Variants in MPP1 observed in about 807,000 individuals in gnomAD.
The protein encoded by MPP1 is 55 kDa erythrocyte membrane protein.
Under a neutral mutation model 38.2 loss-of-function variants are expected in MPP1, and 6 were observed. That is an observed-to-expected ratio of 0.16 (90% CI 0.09 to 0.31). The LOEUF is 0.31. Ranked by LOEUF, MPP1 falls within the 10% of genes least tolerant of loss-of-function variation. The pLI is 1.00. For synonymous variants in MPP1, 153 were observed against 146.3 expected, an observed-to-expected ratio of 1.05 and a Z score of -0.33; for missense variants, 293 against 368.9, an observed-to-expected ratio of 0.79 and a Z score of 1.69.
intron 1 of MPP1, among the ~76,000 whole-genome samples, chrX:154,798,312 C>A (rs1158107075): frequency 8.9e-6 from 1 of 112,223 alleles, no homozygotes; most frequent in Non-Finnish European, 1.9e-5. Flanking sequence ...CACTCAAAAG[C>A]CTGTACATGA....
At chrX:154,785,004 C>G in intron 7 of MPP1, 47 bp downstream of exon 7, 2 of 1,131,544 alleles carry the variant, frequency 1.8e-6, no homozygotes, top group Non-Finnish European at 2.4e-6. Flanking sequence ...CTGGGAAACA[C>G]GTGAATGCTG....
intron 6 of MPP1, 142 bp from the exon 7 acceptor site, chrX:154,785,299 C>T (rs1603429976): frequency 4.2e-6 from 2 of 474,470 alleles, no homozygotes; most frequent in Non-Finnish European, 6.9e-6. Context: ...GCACCCCATA[C>T]ACTGTTTGGT....
chrX:154,794,316 T>G (rs1055205305), intron 1 of MPP1, among the ~76,000 whole-genome samples: 2 of 111,984 alleles, frequency 1.8e-5, no homozygotes, highest in Admixed American at 9.4e-5. Context: ...CTTAAAATGC[T>G]CCTTCTCAGT....
At chrX:154,800,557 G>A (rs1004662443) in intron 1 of MPP1, among the ~76,000 whole-genome samples, 4 of 112,347 alleles carry the variant, frequency 3.6e-5, no homozygotes, top group African/African-American at 1.3e-4. Flanking sequence ...CAGGGCTGCA[G>A]ATACCTGGCA....
rs1186875353 is a variant in MPP1 at position 154,789,049 on chromosome X, CGGCGGT to C, written c.480+899_480+904del. 3.5e-4 allele frequency among the ~76,000 whole-genome samples: 39 copies of C among 111,535 alleles called. 1 individual carries two copies. The highest frequency in any genetic ancestry group is 1.3e-3 in the African/African-American group (39 of 30,673). On this transcript the variant is annotated intron_variant, in intron 5 of 11. Transcript: ENST00000369534. ...TGAGGAAACACGCATGGTGAGGGGG[CGGCGGT>C]CTTAGGCATGGGTGTACTCAGTTTG... is the stretch of plus-strand genomic sequence containing the variant.
chrX:154,783,667 C>T (rs1184206049), intron 8 of MPP1, 160 bp from the exon 9 acceptor site: 12 of 454,815 alleles, frequency 2.6e-5, no homozygotes, highest in South Asian at 6.8e-5. Context: ...GTGAGCAGTC[C>T]GCCAGAGGCA....
At chrX:154,779,468 C>T (rs1454412345) in intron 11 of MPP1, 115 bp from the exon 12 acceptor site, 18 of 664,954 alleles carry the variant, frequency 2.7e-5, no homozygotes, top group African/African-American at 1.1e-4. Context: ...TCATACTTGA[C>T]GAGTCAAATT....
chrX:154,800,429 C>T (rs1213799163), intron 1 of MPP1, among the ~76,000 whole-genome samples: 1 of 111,413 alleles, frequency 9.0e-6, no homozygotes, highest in Non-Finnish European at 1.9e-5. Context: ...TCTAGAGATC[C>T]CTTCCCAACG....
chrX:154,787,101 AACACACACACAC>A (rs59779466), intron 5 of MPP1, among the ~76,000 whole-genome samples: 296 of 82,846 alleles, frequency 3.6e-3, no homozygotes, highest in Middle Eastern at 0.035. Flanking sequence ...CCTGCTCCCA[AACACACACACAC>A]ACACACACAC....
chrX:154,781,360 A>G, intron 10 of MPP1, 47 bp from the exon 11 acceptor site: 1 of 1,003,309 alleles, frequency 1.0e-6, no homozygotes, highest in Non-Finnish European at 1.4e-6. Flanking sequence ...GAAGGAAGAA[A>G]AGGAAAGTGA....
intron 11 of MPP1, among the ~76,000 whole-genome samples, chrX:154,779,843 C>T (rs782790887): frequency 4.4e-5 from 5 of 113,071 alleles, no homozygotes; most frequent in Non-Finnish European, 3.8e-5. Flanking sequence ...CTCAGCCTCC[C>T]GAGTAGCTGG....
At chrX:154,799,933 G>A (rs912344791) in intron 1 of MPP1, 7 of 1,089,861 alleles carry the variant, frequency 6.4e-6, no homozygotes, top group Non-Finnish European at 8.6e-6. Flanking sequence ...CTTGGCGGGG[G>A]GCGGGCGGTG....
At position 154,782,145 on chromosome X, in the gene MPP1, A is replaced by G. The variant is rs782425897; in HGVS notation, c.947-343T>C. On this transcript the variant is annotated intron_variant, in intron 9 of 11. Coordinates refer to ENST00000369534, the MANE Select transcript of MPP1 (RefSeq NM_002436.4). The stretch of plus-strand genomic sequence containing the variant: ...CGGAAAATATTTTAAAAACAGATCT[A>G]CAGACTATGGTCAGGATTTCTTGGA... 28 of 195,283 alleles carry G rather than the reference A, an allele frequency of 1.4e-4. No homozygotes were observed. In the South Asian group the frequency reaches 6.0e-3, roughly 42 times the overall value. The allele number at this position is 195,283 out of a possible 1,213,427, so 16.1% of individuals were successfully genotyped here.
At chrX:154,789,795 G>A (rs1001436360) in intron 5 of MPP1, among the ~76,000 whole-genome samples, 159 bp downstream of exon 5, 1 of 111,263 alleles carries the variant, frequency 9.0e-6, no homozygotes, top group Non-Finnish European at 1.9e-5. Flanking sequence ...TTTATACCAG[G>A]CAGGGAATAA....
chrX:154,799,951 T>C lies in MPP1; in HGVS notation c.102+5321A>G, dbSNP rs2072244188. 39 of 1,015,602 alleles carry C rather than the reference T, an allele frequency of 3.8e-5. 1 individual carries two copies. In the South Asian group the frequency reaches 8.8e-4, roughly 23 times the overall value. The allele number at this position is 1,015,602 out of a possible 1,213,427, so 83.7% of individuals were successfully genotyped here. ...GGCGGGGGGCGGGCGGTGGCGGGGG[T>C]GAATAGAGCAGGGGCAACTGAAGTT... On this transcript the variant is annotated intron_variant, in intron 1 of 11. Coordinates refer to ENST00000369534, the MANE Select transcript of MPP1 (RefSeq NM_002436.4).
intron 1 of MPP1, among the ~76,000 whole-genome samples, chrX:154,797,402 C>G (rs929894698): frequency 1.8e-5 from 2 of 112,159 alleles, no homozygotes; most frequent in African/African-American, 3.2e-5. Context: ...TAGGAAGACT[C>G]AGTCTGCACA....
intron 4 of MPP1, 95 bp from the exon 5 acceptor site, chrX:154,790,117 T>A: frequency 1.9e-6 from 1 of 525,576 alleles, no homozygotes; most frequent in South Asian, 3.4e-5. Flanking sequence ...CCAACAACCA[T>A]CTTTACATTT....
intron 5 of MPP1, among the ~76,000 whole-genome samples, 183 bp downstream of exon 5, chrX:154,789,771 A>G (rs1442374116): frequency 9.0e-6 from 1 of 111,532 alleles, no homozygotes; most frequent in Non-Finnish European, 1.9e-5. Flanking sequence ...GGAAAGGGGA[A>G]TGAGCTCCTG....
Position 154,778,913 on chromosome X carries a change from A to AGTT in MPP1, c.*261_*263dup, listed in dbSNP as rs2071952449. On this transcript the variant is annotated 3_prime_UTR_variant, in exon 12 of 12. Coordinates refer to ENST00000369534, the MANE Select transcript of MPP1 (RefSeq NM_002436.4). ...TTGCTGTGCATCACCCTTGATTAGC[A>AGTT]GTTACATTTTGGTAGTACTTCTTAC... 8.7e-6 allele frequency: 3 copies of AGTT among 344,020 alleles called. No individual in the cohort carries two copies. Among genetic ancestry groups the AGTT allele is most frequent in the Non-Finnish European group, 1.5e-5 (3 of 199,888 alleles). 28.4% of individuals were successfully genotyped at this position (344,020 alleles called of 1,213,427 possible).
Sources: gnomAD v4.1 joint callset for allele counts (sites outside exome capture counted in the v4.1 genomes callset) on GRCh38, gnomAD v4.1.1 for gene constraint, MANE v1.5 for transcripts, NCBI Gene and HGNC (gene_info 2026-07-23, HGNC 2026-07-21) for gene names.